AKT3: variants seen among roughly 807,000 people sequenced by gnomAD.
AKT3 encodes RAC-gamma serine/threonine-protein kinase.
AKT3 carries 15 observed loss-of-function variants against 65.3 expected under a neutral mutation model. That is an observed-to-expected ratio of 0.23 (90% CI 0.15 to 0.35). The LOEUF (loss-of-function observed/expected upper bound fraction) is 0.35, where lower values mean the gene tolerates loss of function less well. Among genes scored for constraint, AKT3 ranks in the 10% least tolerant of loss-of-function variants. The pLI, the probability that AKT3 is intolerant of heterozygous loss-of-function variation, is 1.00. For missense variants in AKT3, 243 were observed against 576.5 expected (o/e 0.42, Z 5.92); for synonymous variants, 206 against 183.8 (o/e 1.12, Z -0.98).
intron 4 of AKT3, among the ~76,000 whole-genome samples, chr1:243,650,889 A>G (rs1681260544): frequency 6.6e-6 from 1 of 151,960 alleles, no homozygotes; most frequent in Admixed American, 6.6e-5. Context: ...TATGCGGGCT[A>G]TTTTTTGGTT....
chr1:243,735,844 G>A (rs1222295385), intron 2 of AKT3: 1 of 152,186 alleles, frequency 6.6e-6, no homozygotes, highest in African/African-American at 2.4e-5. Context: ...AGAATAAATA[G>A]AATGGGAGAA....
At chr1:243,662,927 T>C (rs1341473166) in intron 4 of AKT3, among the ~76,000 whole-genome samples, 3 of 152,156 alleles carry the variant, frequency 2.0e-5, no homozygotes, top group Non-Finnish European at 4.4e-5. Context: ...CAGCAGAGGA[T>C]TTTAGAGTCT....
chr1:243,743,383 T>C (rs1313952742), intron 2 of AKT3, among the ~76,000 whole-genome samples: 1 of 152,228 alleles, frequency 6.6e-6, no homozygotes, highest in Non-Finnish European at 1.5e-5. Flanking sequence ...TTAAAACACT[T>C]CATTTTTTCT....
intron 8 of AKT3, among the ~76,000 whole-genome samples, chr1:243,582,414 C>G (rs566024796): frequency 7.0e-6 from 1 of 143,046 alleles, no homozygotes; most frequent in East Asian, 2.0e-4. Flanking sequence ...CCTTACCAGC[C>G]AGGAGAGACT....
At chr1:243,697,165 AAATTT>A (rs1334964416) in intron 2 of AKT3, among the ~76,000 whole-genome samples, 4 of 152,066 alleles carry the variant, frequency 2.6e-5, no homozygotes, top group African/African-American at 9.6e-5. Context: ...ACTTGAAAAT[AAATTT>A]ATTACATATA....
intron 13 of AKT3, among the ~76,000 whole-genome samples, chr1:243,508,774 T>G (rs1305308032): frequency 1.3e-5 from 2 of 150,070 alleles, no homozygotes; most frequent in African/African-American, 2.5e-5. Flanking sequence ...CAAGCGATCC[T>G]CCTGCCTCAG....
At chr1:243,635,827 G>A (rs1679932753) in intron 6 of AKT3, among the ~76,000 whole-genome samples, 1 of 151,934 alleles carries the variant, frequency 6.6e-6, no homozygotes, top group Admixed American at 6.6e-5. Context: ...TCTGAGAAGG[G>A]CACAGCAGGA....
At chr1:243,650,565 T>C (rs1246732010) in intron 4 of AKT3, among the ~76,000 whole-genome samples, 1 of 152,242 alleles carries the variant, frequency 6.6e-6, no homozygotes, top group East Asian at 1.9e-4. Flanking sequence ...CTTTAATCCA[T>C]CTTGGGTTGA....
chr1:243,833,871 A>G lies in AKT3; in HGVS notation c.46+9254T>C, dbSNP rs553273525. Among the ~76,000 whole-genome samples the G allele has an allele frequency of 1.8e-3, 274 of 151,994 alleles. 1 individual carries two copies. Among genetic ancestry groups the G allele is most frequent in the Non-Finnish European group, 3.1e-3 (211 of 67,948 alleles). ...GGCCAGGAGTTTGAGACCAGCCTGG[A>G]CAACATATTGAGACTCCATCTCTAT... On this transcript the variant is annotated intron_variant, in intron 2 of 13. Transcript: ENST00000673466.
At chr1:243,660,309 G>T (rs1378136868) in intron 4 of AKT3, among the ~76,000 whole-genome samples, 3 of 152,146 alleles carry the variant, frequency 2.0e-5, no homozygotes, top group Non-Finnish European at 4.4e-5. Flanking sequence ...TTGTATTTCT[G>T]TGGGATCTGT....
rs554656783 is a variant in AKT3, at chr1:243,645,548, G to A, written c.429+345C>T. ...TGCTTTTCGGGAGAATACGAAATGC[G>A]AAATGGAAAAGAACAAATCATCAGG... On this transcript the variant is annotated intron_variant, in intron 5 of 13. Coordinates refer to ENST00000673466, the MANE Select transcript of AKT3 (RefSeq NM_005465.7). 3.9e-4 allele frequency among the ~76,000 whole-genome samples: 60 copies of A among 152,230 alleles called. 2 individuals are homozygous for A. Among genetic ancestry groups the A allele is most frequent in the East Asian group, 3.9e-4 (2 of 5,184 alleles).
intron 2 of AKT3, chr1:243,794,470 A>G (rs1691827788): frequency 1.3e-5 from 2 of 152,258 alleles, no homozygotes; most frequent in African/African-American, 4.8e-5. Flanking sequence ...ATTATATCAA[A>G]AAGAACTACC....
intron 2 of AKT3, among the ~76,000 whole-genome samples, chr1:243,835,686 T>C (rs1313590982): frequency 6.6e-6 from 1 of 152,110 alleles, no homozygotes; most frequent in African/African-American, 2.4e-5. Context: ...TAAAAGGATA[T>C]TCTGTACCCT....
intron 2 of AKT3, among the ~76,000 whole-genome samples, chr1:243,722,922 T>C (rs760440453): frequency 5.9e-4 from 89 of 151,914 alleles, no homozygotes; most frequent in Non-Finnish European, 1.1e-3. Context: ...CATTAACATT[T>C]ATTATTTTCA....
At position 243,809,659 on chromosome 1, in the gene AKT3, A is replaced by T. The variant is rs138905560; in HGVS notation, c.46+33466T>A. On this transcript the variant is annotated intron_variant, in intron 2 of 13. Transcript: ENST00000673466. Reference sequence around the variant, plus strand: ...AGTTAACAAGGATATCCAGGAATTAAACTCAGCGCTGCACCAAGCAGACCT... The same window carrying T: ...AGTTAACAAGGATATCCAGGAATTATACTCAGCGCTGCACCAAGCAGACCT... Among the ~76,000 whole-genome samples the T allele has an allele frequency of 1.8e-3, 271 of 152,310 alleles. 3 individuals carry two copies. The Middle Eastern group carries it at 0.027, about 15-fold the overall frequency.
chr1:243,820,343 A>T (rs1265544026), intron 2 of AKT3, among the ~76,000 whole-genome samples: 1 of 152,222 alleles, frequency 6.6e-6, no homozygotes, highest in Non-Finnish European at 1.5e-5. Flanking sequence ...CATGAAGATA[A>T]GAAAGAATCA....
Position 243,716,265 on chromosome 1 carries a change from TG to T in AKT3, c.47-20550del. The stretch of plus-strand genomic sequence containing the variant: ...GAATTACAGAACCAAATGATCCTAG[TG>T]GGTCTGGTAAACATTCTCATTTTTA... On this transcript the variant is annotated intron_variant, in intron 2 of 13. Transcript: ENST00000673466. 2.0e-5 allele frequency among the ~76,000 whole-genome samples: 3 copies of T among 152,248 alleles called. No individual in the cohort carries two copies. The Middle Eastern group carries it at 0.01, about 518-fold the overall frequency.
intron 2 of AKT3, among the ~76,000 whole-genome samples, chr1:243,754,085 G>A (rs912735060): frequency 2.6e-5 from 4 of 152,088 alleles, no homozygotes; most frequent in African/African-American, 7.2e-5. Flanking sequence ...TATAGAGCAC[G>A]CTTTCACTCT....
At chr1:243,791,424 T>C (rs935079222) in intron 2 of AKT3, among the ~76,000 whole-genome samples, 3 of 152,152 alleles carry the variant, frequency 2.0e-5, no homozygotes, top group African/African-American at 7.2e-5. Context: ...TTCTCTTTGC[T>C]TCCAAAATTA....
Sources: gnomAD v4.1 joint callset for allele counts (sites outside exome capture counted in the v4.1 genomes callset) on GRCh38, gnomAD v4.1.1 for gene constraint, MANE v1.5 for transcripts, NCBI Gene and HGNC (gene_info 2026-07-23, HGNC 2026-07-21) for gene names.